MIB2: variants seen among roughly 807,000 people sequenced by gnomAD.
MIB2 encodes the protein E3 ubiquitin-protein ligase MIB2.
MIB2 carries 78 observed loss-of-function variants against 96.6 expected under a neutral mutation model. That is an observed-to-expected ratio of 0.81 (90% CI 0.67 to 0.97). MIB2 has a LOEUF of 0.97. Among genes scored for constraint, MIB2 ranks in the 50% least tolerant of loss-of-function variants. The probability of loss-of-function intolerance (pLI) is 0.00; values close to 1 mark genes in which losing one functional copy is unlikely to be tolerated. For synonymous variants in MIB2, 820 were observed against 629.5 expected (o/e 1.30, Z -4.53); for missense variants, 1,543 against 1,424.0 (o/e 1.08, Z -1.35).
At chr1:1,624,611 C>T in intron 4 of MIB2, 184 bp from the exon 5 acceptor site, 2 of 668,444 alleles carry the variant, frequency 3.0e-6, no homozygotes, top group East Asian at 2.7e-5. Context: ...GGGGCATTTC[C>T]TCACAGCGTG....
In MIB2 at chr1:1,625,752, C is replaced by T. The variant is rs1254598727; in HGVS notation, c.972+99C>T. ...GGGTCAGGCAGGACTAGGGTGCCAG[C>T]TGCACCCACGAGTCCCCAGCCCTGA... On this transcript the variant is annotated intron_variant, in intron 8 of 19. Coordinates refer to ENST00000355826, the MANE Select transcript of MIB2 (RefSeq NM_001170687.4). This position sits in a 1 kb window ranked among gnomAD's most constrained non-coding sequence, Gnocchi z 5.0. The T allele has an allele frequency of 2.0e-6, 2 of 981,022 alleles. No individual in the cohort carries two copies. Among genetic ancestry groups the T allele is most frequent in the East Asian group, 2.6e-5 (1 of 37,762 alleles). 60.8% of individuals were successfully genotyped at this position (981,022 alleles called of 1,614,324 possible).
rs201037166 is a variant in MIB2 at position 1,627,741 on chromosome 1, A to G, written c.1592A>G (p.Gln531Arg). 1,358 of 1,596,566 alleles carry G rather than the reference A, an allele frequency of 8.5e-4. 2 individuals are homozygous for G. Among genetic ancestry groups the G allele is most frequent in the Admixed American group, 1.1e-3 (67 of 59,670 alleles). The change falls in exon 13 of 20, where the codon CAG becomes CGG. Residue 531 changes from glutamine (Q) to arginine (R), a missense_variant. Coordinates refer to ENST00000355826, the MANE Select transcript of MIB2 (RefSeq NM_001170687.4). ...CGGGCGGACGCCATCAACAGCACCC[A>G]GAGCACAGCACTGCACGTGGCCGTG... ...GCRADAINST[Q>R]STALHVAVQR...
At chr1:1,614,643 C>G (rs1182566470), upstream of MIB2, 1 of 152,266 alleles carries the variant, frequency 6.6e-6, no homozygotes, top group Non-Finnish European at 1.5e-5. Flanking sequence ...TGGGAGCTAA[C>G]AGGACCACGT....
upstream of MIB2, chr1:1,615,425 C>T (rs758421726): frequency 5.4e-6 from 8 of 1,486,624 alleles, no homozygotes; most frequent in East Asian, 1.0e-4. Flanking sequence ...ACTTCCGGTG[C>T]TTGCCCTGCC....
At chr1:1,627,542 C>T (rs1644914831) in intron 12 of MIB2, 98 bp downstream of exon 12, 1 of 1,478,562 alleles carries the variant, frequency 6.8e-7, no homozygotes, top group African/African-American at 1.4e-5. Context: ...CCTGTGCGTC[C>T]TGGGGTGAGG....
rs1160366418 is a variant in MIB2 at position 1,626,536 on chromosome 1, G to GGGCCGA, written c.973-112_973-107dup. On this transcript the variant is annotated intron_variant, in intron 8 of 19. Transcript: ENST00000355826. This position sits in a 1 kb window ranked among gnomAD's most constrained non-coding sequence, Gnocchi z 5.3. ...GTGCCTGGGGTCGGGGTCGGGGCCG[G>GGGCCGA]GGCCGAGTCAGGCCTGCCTGTCTCG... is the stretch of plus-strand genomic sequence containing the variant. 236 of 917,270 alleles carry GGGCCGA rather than the reference G, an allele frequency of 2.6e-4. No homozygotes were observed. Among genetic ancestry groups the GGGCCGA allele is most frequent in the Middle Eastern group, 3.4e-4 (1 of 2,904 alleles). 56.8% of individuals were successfully genotyped at this position (917,270 alleles called of 1,614,324 possible). A position where few individuals can be genotyped will look rare whatever the true frequency, so the allele number is the denominator to read the frequency against.
At position 1,630,548 on chromosome 1, in the gene MIB2, G is replaced by C. The variant is rs1219902393; in HGVS notation, c.*18G>C. 1.2e-5 allele frequency: 19 copies of C among 1,529,234 alleles called. No individual in the cohort carries two copies. Among genetic ancestry groups the C allele is most frequent in the Non-Finnish European group, 1.7e-5 (19 of 1,142,390 alleles). The allele number at this position is 1,529,234 out of a possible 1,614,324, so 94.7% of individuals were successfully genotyped here. On this transcript the variant is annotated 3_prime_UTR_variant, in exon 20 of 20. Coordinates refer to ENST00000355826, the MANE Select transcript of MIB2 (RefSeq NM_001170687.4). ...TCGTGTGAGCCGCGCCGTCCGCCGC[G>C]CCCGAGCTGCCTTCGCGTGCCCCCG...
chr1:1,616,184 G>A (rs1047715086), intron 1 of MIB2: 14 of 859,156 alleles, frequency 1.6e-5, no homozygotes, highest in African/African-American at 1.8e-5. Context: ...CAGGGGGCGG[G>A]GCGCGCTCCG....
rs755016036 is a variant in MIB2 at position 1,623,775 on chromosome 1, C to T, written c.249C>T (p.Gly83=). Residue 83 remains glycine (G), a splice_region_variant and synonymous_variant, in exon 4 of 20, where the codon GGC becomes GGT. Coordinates refer to ENST00000355826, the MANE Select transcript of MIB2 (RefSeq NM_001170687.4). The part of the protein sequence containing the change: ...DLLLYDNAQI[G]VRHPNIICDC... ...CCTCTGACCCCACCCCACCCCCAGGCGTCCGGCACCCCAACATCATCTGTG... is the reference window on the plus strand; with the variant it reads ...CCTCTGACCCCACCCCACCCCCAGGTGTCCGGCACCCCAACATCATCTGTG... 1.6e-5 allele frequency: 25 copies of T among 1,593,008 alleles called. No individual in the cohort carries two copies. The Middle Eastern group carries it at 5.0e-4, about 32-fold the overall frequency.
chr1:1,629,449 G>C lies in MIB2; in HGVS notation c.2446G>C (p.Val816Leu). 1 of 1,403,546 alleles carries C rather than the reference G, an allele frequency of 7.1e-7. No homozygotes were observed. The highest frequency in any genetic ancestry group is 9.4e-7 in the Non-Finnish European group (1 of 1,067,546). The allele number at this position is 1,403,546 out of a possible 1,614,324, so 86.9% of individuals were successfully genotyped here. A position where few individuals can be genotyped will look rare whatever the true frequency, so the allele number is the denominator to read the frequency against. Residue 816 changes from valine to leucine, a missense_variant, in exon 18 of 20, where the codon GTG (valine) becomes CTG (leucine). Val to Leu is a conservative substitution (Grantham distance 32, BLOSUM62 1). Coordinates refer to ENST00000355826, the MANE Select transcript of MIB2 (RefSeq NM_001170687.4). ...PRQTLGTPNT[V>L]TNLHVGAAPG... Reference sequence around the variant, plus strand: ...GCAAACGCTCGGGACCCCCAACACCGTGACGAACCTGCACGTGGGCGCCGC... The same window carrying C: ...GCAAACGCTCGGGACCCCCAACACCCTGACGAACCTGCACGTGGGCGCCGC...
In MIB2 at chr1:1,626,330, G is replaced by A. The variant is rs1569811120; in HGVS notation, c.973-320G>A. On this transcript the variant is annotated intron_variant, in intron 8 of 19. Transcript: ENST00000355826. This position sits in a 1 kb window ranked among gnomAD's most constrained non-coding sequence, Gnocchi z 5.3. ...GCCCCACCCCCACGCTGGCTCACGG[G>A]CCCTGGCCATGTTGCCTGCTGCTGG... The A allele has an allele frequency of 9.7e-6, 4 of 412,248 alleles. No individual in the cohort carries two copies. Among genetic ancestry groups the A allele is most frequent in the East Asian group, 8.0e-5 (2 of 24,912 alleles). 25.5% of individuals were successfully genotyped at this position (412,248 alleles called of 1,614,324 possible).
chr1:1,626,149 G>A lies in MIB2; in HGVS notation c.972+496G>A, dbSNP rs992444076. Reference sequence around the variant, plus strand: ...CTGGGAGGGGCAGGCCCGGGGCAAAGCGTCAGAGCTCAGCTCTGGATCTGG... The same window carrying A: ...CTGGGAGGGGCAGGCCCGGGGCAAAACGTCAGAGCTCAGCTCTGGATCTGG... On this transcript the variant is annotated intron_variant, in intron 8 of 19. Transcript: ENST00000355826. This position sits in a 1 kb window ranked among gnomAD's most constrained non-coding sequence, Gnocchi z 5.3. The A allele has an allele frequency of 1.0e-5, 2 of 198,560 alleles. No individual in the cohort carries two copies. The highest frequency in any genetic ancestry group is 2.1e-5 in the Non-Finnish European group (2 of 97,266). 12.3% of individuals were successfully genotyped at this position (198,560 alleles called of 1,614,324 possible). A position where few individuals can be genotyped will look rare whatever the true frequency, so the allele number is the denominator to read the frequency against.
In MIB2 at chr1:1,629,482, C is replaced by T. The variant is rs1228359447; in HGVS notation, c.2479C>T (p.Pro827Ser). The stretch of plus-strand genomic sequence containing the variant: ...CCTGCACGTGGGCGCCGCGCCGGGG[C>T]CCGAGGCCGCTGAGTGCCTGGTGTG... ...TNLHVGAAPG[P>S]EAAECLVCSE... The change falls in exon 18 of 20, where the codon CCC (proline) becomes TCC (serine). Residue 827 changes from proline to serine, a missense_variant. By Grantham distance (74) the Pro-to-Ser change is moderately conservative (BLOSUM62 -1). Transcript: ENST00000355826. 1.3e-6 allele frequency: 2 copies of T among 1,531,828 alleles called. No individual in the cohort carries two copies. The highest frequency in any genetic ancestry group is 1.2e-5 in the South Asian group (1 of 83,602). The allele number at this position is 1,531,828 out of a possible 1,614,324, so 94.9% of individuals were successfully genotyped here.
At chr1:1,616,307 G>T (rs1570460099) in intron 1 of MIB2, 2 of 436,936 alleles carry the variant, frequency 4.6e-6, no homozygotes, top group African/African-American at 4.2e-5. Context: ...GACCCCGGGC[G>T]CACGCAATTA....
intron 1 of MIB2, chr1:1,615,855 A>G (rs929730313): frequency 8.4e-7 from 1 of 1,190,160 alleles, no homozygotes; most frequent in Admixed American, 4.8e-5. Flanking sequence ...GCGGGACTCC[A>G]GCTCCCGGCA....
chr1:1,621,522 G>T lies in MIB2; in HGVS notation c.-22-1909G>T, dbSNP rs868424286. 7.2e-4 allele frequency among the ~76,000 whole-genome samples: 104 copies of T among 144,646 alleles called. 1 individual carries two copies. Among genetic ancestry groups the T allele is most frequent in the African/African-American group, 2.9e-3 (104 of 35,718 alleles). The allele number at this position is 144,646 out of a possible 152,430, so 94.9% of individuals were successfully genotyped here. On this transcript the variant is annotated intron_variant, in intron 2 of 19. Coordinates refer to ENST00000355826, the MANE Select transcript of MIB2 (RefSeq NM_001170687.4). The stretch of plus-strand genomic sequence containing the variant: ...ACATCTCGGCAGCGTCACCCGACAG[G>T]TGAGGGAGGCAGCGTCACCCGACAG...
Position 1,615,755 on chromosome 1 carries a change from G to C in MIB2, c.-130+122G>C, listed in dbSNP as rs541675304. 651 of 1,451,952 alleles carry C rather than the reference G, an allele frequency of 4.5e-4. 4 individuals carry two copies. The African/African-American group carries it at 8.1e-3, about 18-fold the overall frequency. 89.9% of individuals were successfully genotyped at this position (1,451,952 alleles called of 1,614,324 possible). A position where few individuals can be genotyped will look rare whatever the true frequency, so the allele number is the denominator to read the frequency against. ...CCGCTGGCCCAGCAGCCCCGGGCTGGACTCGGCGTAGGGTCCGCACGGGAT... is the reference window on the plus strand; with the variant it reads ...CCGCTGGCCCAGCAGCCCCGGGCTGCACTCGGCGTAGGGTCCGCACGGGAT... On this transcript the variant is annotated intron_variant, in intron 1 of 19. Coordinates refer to ENST00000355826, the MANE Select transcript of MIB2 (RefSeq NM_001170687.4).
Position 1,625,807 on chromosome 1 carries a change from G to A in MIB2, c.972+154G>A. The stretch of plus-strand genomic sequence containing the variant: ...AGGGGAGGGACTGGTGGGTGGAGGT[G>A]GGTGGGGTCAAGGAGAAGAGGGGGT... On this transcript the variant is annotated intron_variant, in intron 8 of 19. Transcript: ENST00000355826. The surrounding 1 kb of genome is among the most constrained non-coding windows in gnomAD (Gnocchi z 5.0). 1 of 636,838 alleles carries A rather than the reference G, an allele frequency of 1.6e-6. No homozygotes were observed. The highest frequency in any genetic ancestry group is 2.7e-6 in the Non-Finnish European group (1 of 364,832). The allele number at this position is 636,838 out of a possible 1,614,324, so 39.4% of individuals were successfully genotyped here.
In MIB2 at chr1:1,626,659, T is replaced by C. The variant is rs779017154; in HGVS notation, c.982T>C (p.Phe328Leu). ...HPGALTKHHSFWVGDVVRVIG... is the reference protein window; with the variant it reads ...HPGALTKHHSLWVGDVVRVIG... ...CCTCTTTGTCGCTCAGCACCACTCC[T>C]TCTGGGTGGGCGACGTGGTCCGGGT... The change falls in exon 9 of 20, where the codon TTC becomes CTC. Residue 328 changes from phenylalanine to leucine, a missense_variant. Transcript: ENST00000355826. This position sits in a 1 kb window ranked among gnomAD's most constrained non-coding sequence, Gnocchi z 5.3. 6.3e-7 allele frequency: 1 copy of C among 1,576,396 alleles called. No individual in the cohort carries two copies. The highest frequency in any genetic ancestry group is 1.2e-5 in the South Asian group (1 of 85,050).
Sources: gnomAD v4.1 joint callset for allele counts (sites outside exome capture counted in the v4.1 genomes callset) on GRCh38, gnomAD v4.1.1 for gene constraint, Gnocchi (gnomAD v3.1) non-coding constraint, MANE v1.5 for transcripts, NCBI Gene and HGNC (gene_info 2026-07-23, HGNC 2026-07-21) for gene names.